Variants in SPOCK1 observed in about 807,000 individuals in gnomAD.
The protein encoded by SPOCK1 is testican-1.
SPOCK1 carries 23 observed loss-of-function variants against 55.3 expected under a neutral mutation model. The observed-to-expected ratio is 0.42, with a 90% CI of 0.30 to 0.59. The LOEUF (loss-of-function observed/expected upper bound fraction) is 0.59. SPOCK1 is among the 20% of genes least tolerant of loss of function. SPOCK1 has a pLI of 0.22. For missense variants in SPOCK1, 499 were observed against 552.5 expected, an observed-to-expected ratio of 0.90 and a Z score of 0.97; for synonymous variants, 226 against 221.0, an observed-to-expected ratio of 1.02 and a Z score of -0.20.
At chr5:137,313,440 G>A (rs1403985490) in intron 2 of SPOCK1, 1 of 985,404 alleles carries the variant, frequency 1.0e-6, no homozygotes, top group East Asian at 1.1e-4. Flanking sequence ...GCTGCAAGGG[G>A]TGGTCTCAGG....
intron 2 of SPOCK1, among the ~76,000 whole-genome samples, chr5:137,388,598 C>T (rs1751646096): frequency 6.6e-6 from 1 of 152,050 alleles, no homozygotes; most frequent in Admixed American, 6.6e-5. Context: ...GCATGTAGGG[C>T]CCCAACCCCA....
chr5:137,211,089 T>C (rs946351059), intron 3 of SPOCK1, among the ~76,000 whole-genome samples: 1 of 152,208 alleles, frequency 6.6e-6, no homozygotes, highest in African/African-American at 2.4e-5. Flanking sequence ...CTGAGAATGA[T>C]AGTTCTAAGA....
intron 3 of SPOCK1, among the ~76,000 whole-genome samples, chr5:137,222,074 T>C (rs1289595633): frequency 6.6e-6 from 1 of 152,202 alleles, no homozygotes; most frequent in East Asian, 1.9e-4. Flanking sequence ...GCCTCGAGTT[T>C]TCTTGTTTTA....
At chr5:137,484,017 A>G (rs1754003105) in intron 2 of SPOCK1, among the ~76,000 whole-genome samples, 1 of 152,166 alleles carries the variant, frequency 6.6e-6, no homozygotes, top group African/African-American at 2.4e-5. Context: ...CTTGAACACA[A>G]ATGAAGACTG....
chr5:137,228,836 T>C (rs112394679), intron 3 of SPOCK1, among the ~76,000 whole-genome samples: 1,561 of 152,328 alleles, frequency 0.01, 16 homozygotes, highest in Non-Finnish European at 0.017. Context: ...TACTACATAG[T>C]AGCTCTTACC....
At chr5:137,398,645 C>G (rs1751907554) in intron 2 of SPOCK1, among the ~76,000 whole-genome samples, 1 of 152,148 alleles carries the variant, frequency 6.6e-6, no homozygotes. Flanking sequence ...CACAGCTAAA[C>G]AAATACTCAA....
chr5:137,302,082 A>G (rs1362395916), intron 2 of SPOCK1, among the ~76,000 whole-genome samples: 1 of 152,224 alleles, frequency 6.6e-6, no homozygotes, highest in African/African-American at 2.4e-5. Flanking sequence ...AATATTGCAG[A>G]ACCTATAAAC....
intron 5 of SPOCK1, among the ~76,000 whole-genome samples, chr5:137,092,682 G>A (rs1753072760): frequency 6.6e-6 from 1 of 152,196 alleles, no homozygotes; most frequent in African/African-American, 2.4e-5. Context: ...CAAGCACCCA[G>A]TCCTTTCCTG....
chr5:137,220,495 G>A (rs1413442333), intron 3 of SPOCK1, among the ~76,000 whole-genome samples: 5 of 152,162 alleles, frequency 3.3e-5, no homozygotes, highest in Non-Finnish European at 7.3e-5. Flanking sequence ...GCCCTGTGAG[G>A]TTGTTTGTAT....
chr5:137,310,609 G>T (rs1433537380), intron 2 of SPOCK1, among the ~76,000 whole-genome samples: 1 of 152,172 alleles, frequency 6.6e-6, no homozygotes, highest in East Asian at 1.9e-4. Context: ...AAAATCTCCA[G>T]CCCTGTCATC....
At chr5:137,262,179 A>C (rs1323062926) in intron 3 of SPOCK1, among the ~76,000 whole-genome samples, 1 of 152,192 alleles carries the variant, frequency 6.6e-6, no homozygotes, top group African/African-American at 2.4e-5. Flanking sequence ...TTTTATTTTT[A>C]CAACAGCTTT....
At chr5:137,179,045 A>G (rs1003089121) in intron 3 of SPOCK1, among the ~76,000 whole-genome samples, 2 of 152,214 alleles carry the variant, frequency 1.3e-5, no homozygotes, top group Non-Finnish European at 2.9e-5. Flanking sequence ...ATGACTGACT[A>G]CAGAGTATTT....
Position 137,465,283 on chromosome 5 carries a change from T to C in SPOCK1, c.186+33090A>G, listed in dbSNP as rs114755083. 5.7e-3 allele frequency among the ~76,000 whole-genome samples: 870 copies of C among 152,246 alleles called. 2 individuals are homozygous for C. Among genetic ancestry groups the C allele is most frequent in the Admixed American group, 0.013 (199 of 15,288 alleles). ...AACACACTTGTGATCTCACTGAGGT[T>C]AGAAAACAACTCTAACATCAGAAAG... is the stretch of plus-strand genomic sequence containing the variant. On this transcript the variant is annotated intron_variant, in intron 2 of 10. Coordinates refer to ENST00000394945, the MANE Select transcript of SPOCK1 (RefSeq NM_004598.4).
At chr5:137,278,907 A>G (rs1757120845) in intron 2 of SPOCK1, among the ~76,000 whole-genome samples, 1 of 152,146 alleles carries the variant, frequency 6.6e-6, no homozygotes. Context: ...TAACCCCACT[A>G]TTGAGGACCA....
intron 3 of SPOCK1, among the ~76,000 whole-genome samples, chr5:137,237,057 A>G (rs997853126): frequency 2.6e-5 from 4 of 152,232 alleles, no homozygotes; most frequent in Non-Finnish European, 5.9e-5. Flanking sequence ...ACTTCACCCA[A>G]TTAGCTTGCT....
rs1413594589 is a variant in SPOCK1, at chr5:137,188,125, TGGCA to T, written c.233-47435_233-47432del. On this transcript the variant is annotated intron_variant, in intron 3 of 10. Coordinates refer to ENST00000394945, the MANE Select transcript of SPOCK1 (RefSeq NM_004598.4). ...AGGACATCCTGAGTCAGGTGAATCA[TGGCA>T]GAAGAAAGGTTGGGAGCTCTTACTA... 7.2e-5 allele frequency among the ~76,000 whole-genome samples: 11 copies of T among 152,214 alleles called. 1 individual carries two copies. Among genetic ancestry groups the T allele is most frequent in the Non-Finnish European group, 8.8e-5 (6 of 68,034 alleles).
chr5:137,023,200 A>G (rs1751607266), intron 6 of SPOCK1, among the ~76,000 whole-genome samples: 1 of 152,236 alleles, frequency 6.6e-6, no homozygotes, highest in Middle Eastern at 3.2e-3. Flanking sequence ...AGAGGATTCA[A>G]ATAAATGAAT....
intron 3 of SPOCK1, among the ~76,000 whole-genome samples, chr5:137,185,711 C>T (rs35777730): frequency 0.021 from 3,190 of 151,850 alleles, 48 homozygotes; most frequent in Non-Finnish European, 0.032. Context: ...GCCAGGGTGC[C>T]GAGAGGAGGC....
At chr5:137,089,912 G>A (rs1753024323) in intron 5 of SPOCK1, among the ~76,000 whole-genome samples, 1 of 152,198 alleles carries the variant, frequency 6.6e-6, no homozygotes, top group East Asian at 1.9e-4. Flanking sequence ...GGCCTCTTCT[G>A]AAATACACCA....
Sources: gnomAD v4.1 joint callset for allele counts (sites outside exome capture counted in the v4.1 genomes callset) on GRCh38, gnomAD v4.1.1 for gene constraint, MANE v1.5 for transcripts, NCBI Gene and HGNC (gene_info 2026-07-23, HGNC 2026-07-21) for gene names.